Variants in ATAD2B observed in about 807,000 individuals in gnomAD.
ATAD2B encodes ATPase family AAA domain containing 2B, also known as ATPase family AAA domain-containing protein 2B.
ATAD2B carries 40 observed loss-of-function variants against 167.6 expected under a neutral mutation model. The ratio of observed to expected loss-of-function variants is 0.24; its 90% CI spans 0.19 to 0.31. The LOEUF (loss-of-function observed/expected upper bound fraction) is 0.31. Ranked by LOEUF, ATAD2B falls within the 10% of genes least tolerant of loss-of-function variation. ATAD2B has a pLI of 1.00. For synonymous variants in ATAD2B, 579 were observed against 596.5 expected (o/e 0.97, Z 0.43); for missense variants, 1,242 against 1,757.2 (o/e 0.71, Z 5.24).
chr2:23,798,065 G>T, intron 19 of ATAD2B, 73 bp downstream of exon 19: 1 of 973,994 alleles, frequency 1.0e-6, no homozygotes, highest in Non-Finnish European at 1.4e-6. Context: ...ATAATTAAAA[G>T]GTGTCCAATT....
intron 13 of ATAD2B, among the ~76,000 whole-genome samples, chr2:23,836,077 C>T (rs1217724358): frequency 1.3e-5 from 2 of 152,274 alleles, no homozygotes; most frequent in Non-Finnish European, 2.9e-5. Flanking sequence ...TCCACCCACT[C>T]GACCTGACTG....
At chr2:23,848,479 C>T (rs1188375187) in intron 13 of ATAD2B, among the ~76,000 whole-genome samples, 1 of 151,322 alleles carries the variant, frequency 6.6e-6, no homozygotes, top group South Asian at 2.1e-4. Flanking sequence ...GACTCTGTCT[C>T]AAAAAATAAA....
the ATAD2B span, chr2:23,696,002 C>A: frequency 3.9e-6 from 6 of 1,551,678 alleles, no homozygotes; most frequent in Admixed American, 2.0e-5. The surrounding 1 kb of genome is among the most constrained non-coding windows in gnomAD (Gnocchi z 5.5). Context: ...GTGGGGATGA[C>A]CCAGCGCTCG....
At position 23,885,839 on chromosome 2, in the gene ATAD2B, C is replaced by A; in HGVS notation, c.573-10G>T. On this transcript the variant is annotated splice_polypyrimidine_tract_variant and intron_variant, in intron 4 of 27. Transcript: ENST00000238789. Reference sequence around the variant, plus strand: ...TACAGCTTCAGCAGTGCTACAATCACATAATAAAATCAGGATTTAGACAAT... The same window carrying A: ...TACAGCTTCAGCAGTGCTACAATCAAATAATAAAATCAGGATTTAGACAAT... 2 of 1,504,364 alleles carry A rather than the reference C, an allele frequency of 1.3e-6. No homozygotes were observed. The highest frequency in any genetic ancestry group is 1.8e-6 in the Non-Finnish European group (2 of 1,101,508). 93.2% of individuals were successfully genotyped at this position (1,504,364 alleles called of 1,614,324 possible). A position where few individuals can be genotyped will look rare whatever the true frequency, so the allele number is the denominator to read the frequency against.
chr2:23,768,268 T>C (rs1046957480), intron 22 of ATAD2B, among the ~76,000 whole-genome samples: 1 of 152,050 alleles, frequency 6.6e-6, no homozygotes, highest in Non-Finnish European at 1.5e-5. Flanking sequence ...GGGGAAGTGA[T>C]CGTGCCCGTA....
Position 23,823,530 on chromosome 2 carries a change from G to A in ATAD2B, c.1859C>T (p.Ala620Val). The change falls in exon 16 of 28, where the codon GCC becomes GTC. Residue 620 changes from alanine to valine, a missense_variant. By Grantham distance (64) the Ala-to-Val change is moderately conservative. Coordinates refer to ENST00000238789, the MANE Select transcript of ATAD2B (RefSeq NM_017552.4). ...ACGCCTCCGCAGTGCAATCAGGGCG[G>A]CTTCAGTGCACAGGGCCTTGATATC... is the stretch of plus-strand genomic sequence containing the variant. ...GADIKALCTE[A>V]ALIALRRRYP... 6.2e-7 allele frequency: 1 copy of A among 1,613,212 alleles called. No homozygotes were observed.
intron 6 of ATAD2B, among the ~76,000 whole-genome samples, chr2:23,880,993 C>A (rs1005210909): frequency 3.3e-5 from 5 of 152,208 alleles, no homozygotes; most frequent in African/African-American, 7.2e-5. Context: ...TTAATATGAT[C>A]ATATTTTATC....
the ATAD2B span, chr2:23,695,930 C>T: frequency 4.1e-5 from 64 of 1,548,296 alleles, no homozygotes; most frequent in East Asian, 7.8e-4. This position sits in a 1 kb window ranked among gnomAD's most constrained non-coding sequence, Gnocchi z 7.6. Context: ...GTCCCAAGGG[C>T]GCCCATCCAT....
At position 23,786,152 on chromosome 2, in the gene ATAD2B, T is replaced by C. The variant is rs183339207; in HGVS notation, c.2848A>G (p.Ser950Gly). Residue 950 changes from serine to glycine, a missense_variant, in exon 21 of 28, where the codon AGT (serine) becomes GGT (glycine). Physicochemically the swap from Ser to Gly is moderately conservative, Grantham distance 56. Around this residue, in one of 9 missense-constraint regions of ATAD2B, gnomAD observed 204 missense variants for 324.0 expected, o/e 0.63. Coordinates refer to ENST00000238789, the MANE Select transcript of ATAD2B (RefSeq NM_017552.4). ...TTTTCCTCCTGGTCCTCCATTCGAC[T>C]TTTTTCTGATTCTGATAATTGACGA... ...PPRQLSESEK[S>G]RMEDQEENTL... 6.2e-7 allele frequency: 1 copy of C among 1,602,046 alleles called. No homozygotes were observed. The highest frequency in any genetic ancestry group is 1.7e-5 in the Admixed American group (1 of 58,186).
rs1675079690 is a variant in ATAD2B at position 23,748,950 on chromosome 2, G to A, written c.*3096C>T. The A allele has an allele frequency of 6.6e-6, 1 of 151,904 alleles. No homozygotes were observed. Among genetic ancestry groups the A allele is most frequent in the African/African-American group, 2.4e-5 (1 of 41,346 alleles). 9.4% of individuals were successfully genotyped at this position (151,904 alleles called of 1,614,324 possible). A position where few individuals can be genotyped will look rare whatever the true frequency, so the allele number is the denominator to read the frequency against. ...GATGTACAGAATACAAAAGATGCAG[G>A]TACAAGCCCAAATTCAAGCTTACAA... On this transcript the variant is annotated 3_prime_UTR_variant, in exon 28 of 28. Coordinates refer to ENST00000238789, the MANE Select transcript of ATAD2B (RefSeq NM_017552.4).
downstream of ATAD2B, among the ~76,000 whole-genome samples, chr2:23,744,934 GA>G (rs1558475657): frequency 6.6e-6 from 1 of 151,964 alleles, no homozygotes. Flanking sequence ...TGGGTGGTAG[GA>G]ACATGCATGT....
rs1161869755 is a variant in ATAD2B, at chr2:23,810,618, C to T, written c.2268-116G>A. 7 of 793,678 alleles carry T rather than the reference C, an allele frequency of 8.8e-6. No individual in the cohort carries two copies. In the East Asian group the frequency reaches 1.9e-4, roughly 21 times the overall value. The allele number at this position is 793,678 out of a possible 1,614,324, so 49.2% of individuals were successfully genotyped here. A position where few individuals can be genotyped will look rare whatever the true frequency, so the allele number is the denominator to read the frequency against. ...TTAACTCCAAATTAACAGAACTTTC[C>T]TATATTATTTTAGTATAGTGACTTA... On this transcript the variant is annotated intron_variant, in intron 17 of 27. Coordinates refer to ENST00000238789, the MANE Select transcript of ATAD2B (RefSeq NM_017552.4).
intron 6 of ATAD2B, among the ~76,000 whole-genome samples, chr2:23,881,936 T>C (rs1697969005): frequency 6.6e-6 from 1 of 151,468 alleles, no homozygotes; most frequent in Non-Finnish European, 1.5e-5. Context: ...TTGACCAAGC[T>C]GGTCTTGAAC....
At chr2:23,919,708 T>G (rs971950012) in intron 1 of ATAD2B, among the ~76,000 whole-genome samples, 3 of 151,236 alleles carry the variant, frequency 2.0e-5, no homozygotes, top group South Asian at 2.1e-4. Flanking sequence ...CCAGGTGAGG[T>G]GGCGCATGTC....
chr2:23,775,515 T>C (rs1472779482), intron 22 of ATAD2B, among the ~76,000 whole-genome samples: 2 of 151,952 alleles, frequency 1.3e-5, no homozygotes, highest in African/African-American at 4.8e-5. Context: ...CCCAGCCGGG[T>C]AGGTGAAATT....
chr2:23,792,776 C>G (rs911981828), intron 19 of ATAD2B, among the ~76,000 whole-genome samples: 1 of 151,542 alleles, frequency 6.6e-6, no homozygotes, highest in South Asian at 2.1e-4. Flanking sequence ...TACTGGCTAA[C>G]ACAGTGAAAT....
intron 7 of ATAD2B, among the ~76,000 whole-genome samples, chr2:23,877,901 T>A (rs191325071): frequency 2.5e-4 from 37 of 146,950 alleles, no homozygotes; most frequent in African/African-American, 7.5e-4. Context: ...ACAAAAAAAT[T>A]TTTTTTTAAT....
chr2:23,927,075 C>T lies in ATAD2B; in HGVS notation c.-305G>A, dbSNP rs1225767494. 1 of 339,000 alleles carries T rather than the reference C, an allele frequency of 2.9e-6. No homozygotes were observed. Among genetic ancestry groups the T allele is most frequent in the African/African-American group, 2.1e-5 (1 of 46,642 alleles). 21.0% of individuals were successfully genotyped at this position (339,000 alleles called of 1,614,324 possible). A position where few individuals can be genotyped will look rare whatever the true frequency, so the allele number is the denominator to read the frequency against. On this transcript the variant is annotated 5_prime_UTR_variant, in exon 1 of 28. Transcript: ENST00000238789. ...TTTCTACCCCTTTCTCTCCCGTTCTCGCTCTCGAGCTCCGTGCGTCAAGGC... is the reference window on the plus strand; with the variant it reads ...TTTCTACCCCTTTCTCTCCCGTTCTTGCTCTCGAGCTCCGTGCGTCAAGGC...
intron 8 of ATAD2B, chr2:23,872,817 A>C (rs1696208755): frequency 3.9e-6 from 4 of 1,022,080 alleles, no homozygotes; most frequent in Non-Finnish European, 6.2e-6. Context: ...CAGAGGGTCC[A>C]GATTGCTCTC....
Sources: gnomAD v4.1 joint callset for allele counts (sites outside exome capture counted in the v4.1 genomes callset) on GRCh38, gnomAD v4.1.1 for gene constraint, gnomAD v4.1.1 regional missense constraint, Gnocchi (gnomAD v3.1) non-coding constraint, MANE v1.5 for transcripts, NCBI Gene and HGNC (gene_info 2026-07-23, HGNC 2026-07-21) for gene names.